Variants in SH3GL2 observed in about 807,000 individuals in gnomAD.
SH3GL2 encodes the protein SH3 domain containing GRB2 like 2, endophilin A1.
A neutral mutation model predicts 46.0 loss-of-function variants in SH3GL2; 24 were observed. That is an observed-to-expected ratio of 0.52 (90% CI 0.38 to 0.73). SH3GL2 has a LOEUF of 0.73. Among genes scored for constraint, SH3GL2 ranks in the 30% least tolerant of loss-of-function variants. The probability of loss-of-function intolerance (pLI) is 0.00; values close to 1 mark genes in which losing one functional copy is unlikely to be tolerated. For synonymous variants in SH3GL2, 196 were observed against 147.1 expected (o/e 1.33, Z -2.40); for missense variants, 413 against 424.2 (o/e 0.97, Z 0.23).
intron 1 of SH3GL2, among the ~76,000 whole-genome samples, chr9:17,688,749 G>A (rs1018016708): frequency 2.6e-5 from 4 of 151,986 alleles, no homozygotes; most frequent in African/African-American, 9.7e-5. Flanking sequence ...AGAAAAATTT[G>A]AACAGAAAAA....
At chr9:17,618,591 C>G (rs1033612325) in intron 1 of SH3GL2, among the ~76,000 whole-genome samples, 3 of 152,052 alleles carry the variant, frequency 2.0e-5, no homozygotes, top group African/African-American at 7.2e-5. Context: ...CTTTATTTAC[C>G]TGGTTTTGTG....
intron 1 of SH3GL2, among the ~76,000 whole-genome samples, chr9:17,670,016 G>T (rs906993645): frequency 6.6e-6 from 1 of 152,100 alleles, no homozygotes; most frequent in Admixed American, 6.6e-5. Context: ...TGAACATAGG[G>T]TGTGAAAAAC....
chr9:17,612,359 T>A (rs1818887371), intron 1 of SH3GL2, among the ~76,000 whole-genome samples: 1 of 152,224 alleles, frequency 6.6e-6, no homozygotes, highest in South Asian at 2.1e-4. Context: ...TGTGTGGGAC[T>A]GACACAACCC....
At chr9:17,677,259 A>T (rs554784422) in intron 1 of SH3GL2, among the ~76,000 whole-genome samples, 1 of 152,030 alleles carries the variant, frequency 6.6e-6, no homozygotes, top group Non-Finnish European at 1.5e-5. Flanking sequence ...ATTCATTCTC[A>T]TGTTCACATT....
chr9:17,678,227 T>G (rs2118018379), intron 1 of SH3GL2, among the ~76,000 whole-genome samples: 1 of 152,152 alleles, frequency 6.6e-6, no homozygotes, highest in Admixed American at 6.6e-5. Flanking sequence ...TCCACAATGG[T>G]TGAACTAGTT....
At chr9:17,605,505 A>C (rs1818746460) in intron 1 of SH3GL2, among the ~76,000 whole-genome samples, 1 of 152,154 alleles carries the variant, frequency 6.6e-6, no homozygotes, top group Non-Finnish European at 1.5e-5. Context: ...TATAAAGGGT[A>C]ATGAAATGCT....
chr9:17,648,935 A>T (rs923899788), intron 1 of SH3GL2, among the ~76,000 whole-genome samples: 1 of 152,256 alleles, frequency 6.6e-6, no homozygotes, highest in African/African-American at 2.4e-5. Flanking sequence ...AAACCTAGAT[A>T]CAAAGAGCAC....
chr9:17,770,017 C>A (rs1399661951), intron 3 of SH3GL2, among the ~76,000 whole-genome samples: 3 of 152,166 alleles, frequency 2.0e-5, no homozygotes, highest in African/African-American at 2.4e-5. Flanking sequence ...TGAATCAAAT[C>A]ATGTGAAGCA....
At chr9:17,582,388 AGAT>A (rs1818294194) in intron 1 of SH3GL2, among the ~76,000 whole-genome samples, 1 of 152,238 alleles carries the variant, frequency 6.6e-6, no homozygotes, top group Non-Finnish European at 1.5e-5. Flanking sequence ...AATAAAGGGC[AGAT>A]GATCTTGTGT....
At chr9:17,664,870 A>G (rs1306575538) in intron 1 of SH3GL2, among the ~76,000 whole-genome samples, 1 of 151,806 alleles carries the variant, frequency 6.6e-6, no homozygotes, top group Non-Finnish European at 1.5e-5. Flanking sequence ...AAATTTATTC[A>G]AACCACAAGG....
chr9:17,752,644 C>T (rs1822879608), intron 2 of SH3GL2, among the ~76,000 whole-genome samples: 1 of 152,106 alleles, frequency 6.6e-6, no homozygotes. Flanking sequence ...ACTACCAGCA[C>T]ACACCACCAT....
intron 5 of SH3GL2, among the ~76,000 whole-genome samples, chr9:17,788,200 C>G (rs1450945479): frequency 6.6e-6 from 1 of 152,130 alleles, no homozygotes; most frequent in Non-Finnish European, 1.5e-5. Context: ...CCTCCTTATT[C>G]TAGCTTAAAT....
At chr9:17,761,106 C>A (rs560643145) in intron 2 of SH3GL2, among the ~76,000 whole-genome samples, 1 of 152,320 alleles carries the variant, frequency 6.6e-6, no homozygotes, top group African/African-American at 2.4e-5. Context: ...ATGCCTGACC[C>A]ACTGTAGGCA....
chr9:17,751,130 G>A (rs1349569230), intron 2 of SH3GL2, among the ~76,000 whole-genome samples: 1 of 152,292 alleles, frequency 6.6e-6, no homozygotes, highest in East Asian at 1.9e-4. Context: ...AGATGTCCTA[G>A]GGATAGAAAC....
At chr9:17,597,057 G>T (rs1411962896) in intron 1 of SH3GL2, among the ~76,000 whole-genome samples, 1 of 152,184 alleles carries the variant, frequency 6.6e-6, no homozygotes, top group Non-Finnish European at 1.5e-5. Context: ...GCAGCATCTT[G>T]TGATGTTTCT....
At chr9:17,774,777 T>C (rs1823593815) in intron 3 of SH3GL2, among the ~76,000 whole-genome samples, 1 of 152,154 alleles carries the variant, frequency 6.6e-6, no homozygotes, top group Non-Finnish European at 1.5e-5. Flanking sequence ...TGTCTGGCTT[T>C]GCTATCAAGA....
intron 1 of SH3GL2, among the ~76,000 whole-genome samples, chr9:17,633,778 T>C (rs1282399409): frequency 1.3e-5 from 2 of 152,180 alleles, no homozygotes; most frequent in African/African-American, 4.8e-5. Context: ...ACTATGCCCA[T>C]TTTGCTGTAT....
At chr9:17,640,865 A>G (rs991785665) in intron 1 of SH3GL2, among the ~76,000 whole-genome samples, 2 of 152,180 alleles carry the variant, frequency 1.3e-5, no homozygotes, top group African/African-American at 4.8e-5. Flanking sequence ...TTCTTTCAAC[A>G]TGCCTAATGT....
intron 1 of SH3GL2, among the ~76,000 whole-genome samples, chr9:17,605,202 C>T (rs1304513541): frequency 3.3e-5 from 5 of 151,980 alleles, no homozygotes; most frequent in African/African-American, 1.2e-4. Flanking sequence ...TTGTCTTGAA[C>T]ACCTGGCCTC....
Sources: allele counts gnomAD v4.1 joint callset (sites outside exome capture counted in the v4.1 genomes callset), GRCh38; gene constraint gnomAD v4.1.1; transcripts MANE v1.5; gene names NCBI Gene and HGNC (gene_info 2026-07-23, HGNC 2026-07-21).